Variants in GDA observed in about 807,000 individuals in gnomAD.
The protein encoded by GDA is cytoplasmic PSD-95 interactor.
In GDA, 18 loss-of-function variants were observed where a neutral mutation model predicts 59.6. The observed-to-expected ratio is 0.30, with a 90% confidence interval of 0.21 to 0.45. GDA has a LOEUF of 0.45. Among genes scored for constraint, GDA ranks in the 20% least tolerant of loss-of-function variants. GDA has a pLI of 1.00. For synonymous variants in GDA, 201 were observed against 201.1 expected (o/e 1.00, Z 0.00); for missense variants, 427 against 552.3 (o/e 0.77, Z 2.27).
chr9:72,224,808 C>G (rs974299196), intron 7 of GDA, among the ~76,000 whole-genome samples: 6 of 119,746 alleles, frequency 5.0e-5, no homozygotes, highest in South Asian at 2.9e-4. Flanking sequence ...CTAGCCCAAC[C>G]CTTTTTTTTT....
Position 72,228,164 on chromosome 9 carries a change from A to C in GDA, c.920+124A>C, listed in dbSNP as rs569859599. On this transcript the variant is annotated intron_variant, in intron 9 of 13. Transcript: ENST00000358399. ...CTCTATTCTGTGTTTGGCAGGACCC[A>C]GATAGATAGACATTTACTCGTGCTG... 2.4e-5 allele frequency: 16 copies of C among 660,424 alleles called. No individual in the cohort carries two copies. The African/African-American group carries it at 2.5e-4, about 10-fold the overall frequency. The allele number at this position is 660,424 out of a possible 1,614,324, so 40.9% of individuals were successfully genotyped here.
intron 1 of GDA, among the ~76,000 whole-genome samples, chr9:72,136,002 C>G (rs1826212625): frequency 6.6e-6 from 1 of 152,074 alleles, no homozygotes; most frequent in Non-Finnish European, 1.5e-5. Flanking sequence ...ATCTGTAAAT[C>G]TGTATTGCAA....
intron 1 of GDA, among the ~76,000 whole-genome samples, chr9:72,129,276 TA>T (rs201209784): frequency 3.3e-5 from 5 of 150,708 alleles, no homozygotes; most frequent in African/African-American, 9.9e-5. Flanking sequence ...TTCTTTTGAT[TA>T]AAAAAAATAT....
At chr9:72,173,478 G>A (rs1360523837) in intron 1 of GDA, among the ~76,000 whole-genome samples, 3 of 152,072 alleles carry the variant, frequency 2.0e-5, no homozygotes, top group South Asian at 2.1e-4. Context: ...ATACAGGCGT[G>A]TGCCACCACG....
intron 1 of GDA, among the ~76,000 whole-genome samples, chr9:72,179,406 ATTACT>A (rs959732524): frequency 5.2e-4 from 79 of 152,326 alleles, no homozygotes; most frequent in African/African-American, 1.0e-3. Flanking sequence ...GGCAGATATC[ATTACT>A]TTATTTTCAA....
At chr9:72,219,381 C>G in intron 5 of GDA, 98 bp from the exon 6 acceptor site, 1 of 839,928 alleles carries the variant, frequency 1.2e-6, no homozygotes, top group South Asian at 1.6e-5. Flanking sequence ...CCAGCCTGGG[C>G]GACAGAGCCA....
chr9:72,200,234 G>T (rs1254078764), intron 2 of GDA, among the ~76,000 whole-genome samples: 2 of 152,080 alleles, frequency 1.3e-5, no homozygotes, highest in Non-Finnish European at 2.9e-5. Flanking sequence ...CTGACCTCGT[G>T]ATCTGCCCGC....
intron 1 of GDA, among the ~76,000 whole-genome samples, chr9:72,164,705 C>T (rs754246454): frequency 9.3e-4 from 140 of 150,004 alleles, no homozygotes; most frequent in Non-Finnish European, 1.8e-3. Flanking sequence ...CTGGCTGGGC[C>T]GGGCACAGTG....
intron 2 of GDA, chr9:72,197,487 TG>T (rs909902182): frequency 4.6e-5 from 7 of 152,164 alleles, no homozygotes; most frequent in Admixed American, 2.6e-4. Context: ...TGGAAGCAGT[TG>T]AAGTAGAGGC....
intron 4 of GDA, among the ~76,000 whole-genome samples, chr9:72,211,554 T>G (rs1030899506): frequency 1.3e-5 from 2 of 152,214 alleles, no homozygotes; most frequent in African/African-American, 2.4e-5. Flanking sequence ...TGTTTGCTTA[T>G]GCAAAAGACC....
chr9:72,164,039 G>C (rs1382553228), intron 1 of GDA, among the ~76,000 whole-genome samples: 9 of 152,210 alleles, frequency 5.9e-5, no homozygotes, highest in Admixed American at 5.2e-4. Flanking sequence ...GGTCCAGCCA[G>C]GGAGGGTGGA....
chr9:72,171,506 T>G (rs1362080069), intron 1 of GDA, among the ~76,000 whole-genome samples: 4 of 152,300 alleles, frequency 2.6e-5, no homozygotes, highest in Admixed American at 2.6e-4. Flanking sequence ...TCAATTTTGG[T>G]TAATCTTAAC....
At chr9:72,190,648 C>T (rs558944251) in intron 1 of GDA, among the ~76,000 whole-genome samples, 1 of 152,266 alleles carries the variant, frequency 6.6e-6, no homozygotes, top group Admixed American at 6.5e-5. Context: ...CAAGGGGCAA[C>T]TGTAATCCCC....
Position 72,248,940 on chromosome 9 carries a change from A to G in GDA, c.*598A>G. The G allele has an allele frequency of 4.1e-6, 4 of 985,614 alleles. No individual in the cohort carries two copies. Among genetic ancestry groups the G allele is most frequent in the Non-Finnish European group, 4.8e-6 (4 of 829,660 alleles). The allele number at this position is 985,614 out of a possible 1,614,324, so 61.1% of individuals were successfully genotyped here. A position where few individuals can be genotyped will look rare whatever the true frequency, so the allele number is the denominator to read the frequency against. On this transcript the variant is annotated 3_prime_UTR_variant, in exon 14 of 14. Coordinates refer to ENST00000358399, the MANE Select transcript of GDA (RefSeq NM_004293.5). ...ACTTAATGGAATTTGCATTTCAGAGATGTGTTAGTGTTGTGCTTTGCCTTC... is the reference window on the plus strand; with the variant it reads ...ACTTAATGGAATTTGCATTTCAGAGGTGTGTTAGTGTTGTGCTTTGCCTTC...
Position 72,227,958 on chromosome 9 carries a change from G to T in GDA, c.838G>T (p.Gly280Cys). 6.2e-7 allele frequency: 1 copy of T among 1,602,450 alleles called. No individual in the cohort carries two copies. The highest frequency in any genetic ancestry group is 8.5e-7 in the Non-Finnish European group (1 of 1,170,112). Residue 280 changes from glycine to cysteine, a missense_variant, in exon 9 of 14, where the codon GGC becomes TGC. Physicochemically the swap from Gly to Cys is radical, Grantham distance 159. Coordinates refer to ENST00000358399, the MANE Select transcript of GDA (RefSeq NM_004293.5). ...TTCTCTCCAGACAGTGATGGCACAC[G>T]GCTGCTACCTCTCTGCAGAAGAACT... ...LLTNKTVMAH[G>C]CYLSAEELNV...
intron 10 of GDA, among the ~76,000 whole-genome samples, chr9:72,239,072 A>G (rs2131756047): frequency 6.6e-6 from 1 of 152,286 alleles, no homozygotes; most frequent in East Asian, 1.9e-4. Context: ...GATTCCACCT[A>G]CATTAAATGT....
intron 10 of GDA, among the ~76,000 whole-genome samples, chr9:72,239,352 C>T (rs1333476151): frequency 6.6e-6 from 1 of 152,120 alleles, no homozygotes; most frequent in East Asian, 1.9e-4. Flanking sequence ...AATTGCATAG[C>T]ATTATTTCCT....
At chr9:72,224,026 G>A (rs1455978673) in intron 7 of GDA, among the ~76,000 whole-genome samples, 1 of 151,998 alleles carries the variant, frequency 6.6e-6, no homozygotes. Context: ...ATTATTATTT[G>A]CAGCCTATAA....
intron 4 of GDA, among the ~76,000 whole-genome samples, chr9:72,213,194 G>A (rs1835605073): frequency 6.6e-6 from 1 of 152,104 alleles, no homozygotes; most frequent in Admixed American, 6.5e-5. Context: ...CTTGAACCAG[G>A]GAGTTGGAGG....
Sources: allele counts gnomAD v4.1 joint callset (sites outside exome capture counted in the v4.1 genomes callset), GRCh38; gene constraint gnomAD v4.1.1; transcripts MANE v1.5; gene names NCBI Gene and HGNC (gene_info 2026-07-23, HGNC 2026-07-21).